Variants in FBXL17 observed in about 807,000 individuals in gnomAD.
The protein encoded by FBXL17 is F-box/LRR-repeat protein 17.
Under a neutral mutation model 66.2 loss-of-function variants are expected in FBXL17, and 22 were observed. The ratio of observed to expected loss-of-function variants is 0.33; its 90% confidence interval spans 0.24 to 0.47. The LOEUF is 0.47. FBXL17 is among the 20% of genes least tolerant of loss of function. FBXL17 has a pLI of 1.00. For synonymous variants in FBXL17, 474 were observed against 400.5 expected, an observed-to-expected ratio of 1.18 and a Z score of -2.19; for missense variants, 878 against 948.2, an observed-to-expected ratio of 0.93 and a Z score of 0.97.
At chr5:108,195,796 CA>C (rs1753656418) in intron 5 of FBXL17, among the ~76,000 whole-genome samples, 1 of 152,068 alleles carries the variant, frequency 6.6e-6, no homozygotes, top group Admixed American at 6.6e-5. Flanking sequence ...GTAGAATCAA[CA>C]GAATTTTTTG....
intron 6 of FBXL17, among the ~76,000 whole-genome samples, chr5:108,099,714 CAGAA>C (rs1749530033): frequency 6.6e-6 from 1 of 152,184 alleles, no homozygotes; most frequent in Non-Finnish European, 1.5e-5. Context: ...TTTTACAAAA[CAGAA>C]GGAAGGTCAG....
At chr5:108,034,482 T>C (rs1262179731) in intron 6 of FBXL17, among the ~76,000 whole-genome samples, 1 of 152,238 alleles carries the variant, frequency 6.6e-6, no homozygotes, top group African/African-American at 2.4e-5. Flanking sequence ...AGATACCATG[T>C]ACCTCCCAGC....
chr5:108,126,647 C>CATATA (rs1561423026), intron 6 of FBXL17, among the ~76,000 whole-genome samples: 2 of 77,062 alleles, frequency 2.6e-5, no homozygotes, highest in African/African-American at 4.6e-5. Context: ...CTCTCTCTCT[C>CATATA]TCTCTATATA....
chr5:107,866,950 T>A (rs1256923471), intron 8 of FBXL17, among the ~76,000 whole-genome samples: 1 of 152,186 alleles, frequency 6.6e-6, no homozygotes, highest in Non-Finnish European at 1.5e-5. Flanking sequence ...CTGGTTTTGT[T>A]CACTGTCAAA....
chr5:108,326,330 C>T (rs935741590), intron 4 of FBXL17, among the ~76,000 whole-genome samples: 1 of 152,014 alleles, frequency 6.6e-6, no homozygotes, highest in Non-Finnish European at 1.5e-5. Flanking sequence ...CAGTGGCTCA[C>T]ATCTGTAATC....
intron 6 of FBXL17, among the ~76,000 whole-genome samples, chr5:108,111,506 A>G (rs1750033918): frequency 6.6e-6 from 1 of 152,212 alleles, no homozygotes; most frequent in Admixed American, 6.5e-5. Flanking sequence ...GGCTGTAAGC[A>G]TTTCTTAGCA....
intron 6 of FBXL17, among the ~76,000 whole-genome samples, chr5:108,077,032 T>C (rs1269912632): frequency 6.6e-6 from 1 of 152,146 alleles, no homozygotes; most frequent in Non-Finnish European, 1.5e-5. Flanking sequence ...AGAATATCAC[T>C]TTCTGACAGG....
At chr5:108,303,398 A>G in intron 4 of FBXL17, among the ~76,000 whole-genome samples, 1 of 107,324 alleles carries the variant, frequency 9.3e-6, no homozygotes, top group South Asian at 4.9e-4. Flanking sequence ...ACACACACAT[A>G]CCCACACACA....
intron 6 of FBXL17, among the ~76,000 whole-genome samples, chr5:108,045,001 C>A (rs1299557324): frequency 6.6e-6 from 1 of 152,114 alleles, no homozygotes; most frequent in East Asian, 1.9e-4. Context: ...TCATTCCTGA[C>A]ATTGGCAATT....
chr5:108,342,196 T>G (rs1333963604), intron 4 of FBXL17, among the ~76,000 whole-genome samples: 3 of 152,132 alleles, frequency 2.0e-5, no homozygotes, highest in African/African-American at 7.2e-5. Flanking sequence ...TTAAATCTTC[T>G]GGACAAAAAT....
chr5:108,206,871 G>A (rs947893475), intron 5 of FBXL17, among the ~76,000 whole-genome samples: 1 of 152,056 alleles, frequency 6.6e-6, no homozygotes, highest in African/African-American at 2.4e-5. Context: ...TTGATCTTGA[G>A]TAAATACCGA....
At chr5:108,156,485 G>A (rs1354023633) in intron 6 of FBXL17, among the ~76,000 whole-genome samples, 1 of 151,776 alleles carries the variant, frequency 6.6e-6, no homozygotes, top group Non-Finnish European at 1.5e-5. Flanking sequence ...TTAAACCGAA[G>A]TATTTTTTTT....
chr5:108,215,393 T>C (rs943740610), intron 5 of FBXL17, among the ~76,000 whole-genome samples: 5 of 152,228 alleles, frequency 3.3e-5, no homozygotes, highest in Admixed American at 6.5e-5. Flanking sequence ...ACTTTTTTTA[T>C]TACAACCATC....
intron 4 of FBXL17, among the ~76,000 whole-genome samples, chr5:108,268,648 A>G (rs1233056270): frequency 6.6e-6 from 1 of 152,122 alleles, no homozygotes; most frequent in Non-Finnish European, 1.5e-5. Context: ...TGGCAAGGAA[A>G]GAAACGCATT....
intron 4 of FBXL17, among the ~76,000 whole-genome samples, chr5:108,247,316 G>A (rs1373633584): frequency 1.3e-5 from 2 of 151,966 alleles, no homozygotes; most frequent in Non-Finnish European, 2.9e-5. Context: ...ATGAGGTAGG[G>A]ACCATTGTAA....
chr5:108,273,655 A>T lies in FBXL17; in HGVS notation c.1507-49427T>A, dbSNP rs1757368183. On this transcript the variant is annotated intron_variant, in intron 4 of 8. Transcript: ENST00000542267. ...CAAAAATAAATGTCACTAATCTAAG[A>T]TTTTCACTTCTATGAAATAACACAA... Among the ~76,000 whole-genome samples, 3 of 152,044 alleles carry T rather than the reference A, an allele frequency of 2.0e-5. No individual in the cohort carries two copies. In the South Asian group the frequency reaches 6.2e-4, roughly 32 times the overall value.
At chr5:108,268,725 T>C (rs539724554) in intron 4 of FBXL17, among the ~76,000 whole-genome samples, 53 of 152,248 alleles carry the variant, frequency 3.5e-4, no homozygotes, top group African/African-American at 1.2e-3. Flanking sequence ...CCTCTTTTTA[T>C]AGGTTTTTAA....
intron 7 of FBXL17, among the ~76,000 whole-genome samples, chr5:107,966,057 A>G (rs1200341375): frequency 6.6e-6 from 1 of 152,160 alleles, no homozygotes; most frequent in Non-Finnish European, 1.5e-5. Flanking sequence ...ATTTATTTTA[A>G]TCATTTTAAA....
chr5:108,000,498 C>T (rs1207806826), intron 7 of FBXL17, among the ~76,000 whole-genome samples: 1 of 152,140 alleles, frequency 6.6e-6, no homozygotes, highest in Non-Finnish European at 1.5e-5. Flanking sequence ...ATGGCACACA[C>T]AGAAGCAATA....
Sources: allele counts gnomAD v4.1 joint callset (sites outside exome capture counted in the v4.1 genomes callset), GRCh38; gene constraint gnomAD v4.1.1; transcripts MANE v1.5; gene names NCBI Gene and HGNC (gene_info 2026-07-23, HGNC 2026-07-21).